CTNNA3: variants seen among roughly 807,000 people sequenced by gnomAD.
CTNNA3 encodes catenin alpha-3.
Under a neutral mutation model 95.7 loss-of-function variants are expected in CTNNA3, and 76 were observed. The ratio of observed to expected loss-of-function variants is 0.79; its 90% CI spans 0.66 to 0.96. The LOEUF (loss-of-function observed/expected upper bound fraction) is 0.96. CTNNA3 is among the 40% of genes least tolerant of loss of function. The pLI, the probability that CTNNA3 is intolerant of heterozygous loss-of-function variation, is 0.00. For missense variants in CTNNA3, 1,191 were observed against 1,089.8 expected, an observed-to-expected ratio of 1.09 and a Z score of -1.31; for synonymous variants, 431 against 374.4, an observed-to-expected ratio of 1.15 and a Z score of -1.74.
intron 5 of CTNNA3, among the ~76,000 whole-genome samples, chr10:67,286,173 G>C (rs1033142719): frequency 6.6e-6 from 1 of 152,246 alleles, no homozygotes; most frequent in South Asian, 2.1e-4. Context: ...CCTTCTCCTA[G>C]AGACTTAGCT....
intron 10 of CTNNA3, among the ~76,000 whole-genome samples, chr10:66,616,914 C>T (rs1341436231): frequency 6.6e-6 from 1 of 151,774 alleles, no homozygotes; most frequent in African/African-American, 2.4e-5. Context: ...ATAAGACACA[C>T]CATATTAAGA....
intron 5 of CTNNA3, among the ~76,000 whole-genome samples, chr10:67,318,825 T>G (rs535129289): frequency 2.0e-5 from 3 of 152,332 alleles, no homozygotes; most frequent in Middle Eastern, 3.4e-3. Context: ...GCTGTAAAAT[T>G]ATTTTCCCCA....
intron 10 of CTNNA3, among the ~76,000 whole-genome samples, chr10:66,569,431 A>C (rs1842803972): frequency 6.6e-6 from 1 of 152,166 alleles, no homozygotes; most frequent in African/African-American, 2.4e-5. Flanking sequence ...ATGAAGCATA[A>C]TATGCAACAG....
chr10:66,984,993 C>T (rs1231832659), intron 7 of CTNNA3, among the ~76,000 whole-genome samples: 1 of 152,264 alleles, frequency 6.6e-6, no homozygotes, highest in Non-Finnish European at 1.5e-5. Flanking sequence ...TTCTTCACTA[C>T]TGTTGAGCCA....
At chr10:67,684,036 T>C (rs7070960) in intron 1 of CTNNA3, among the ~76,000 whole-genome samples, 6,515 of 152,306 alleles carry the variant, frequency 0.043, 181 homozygotes, top group South Asian at 0.1. Context: ...TTCCACAGCA[T>C]GGAAGGGGAC....
At chr10:66,815,752 T>C (rs995783328) in intron 7 of CTNNA3, among the ~76,000 whole-genome samples, 4 of 152,120 alleles carry the variant, frequency 2.6e-5, no homozygotes, top group African/African-American at 7.2e-5. Flanking sequence ...AATCGAAACG[T>C]GGCAAAACTA....
chr10:66,538,841 A>G (rs1841746466), intron 10 of CTNNA3, among the ~76,000 whole-genome samples: 1 of 152,198 alleles, frequency 6.6e-6, no homozygotes, highest in African/African-American at 2.4e-5. Flanking sequence ...GAGCATTTTT[A>G]GAGACAGTTA....
intron 3 of CTNNA3, among the ~76,000 whole-genome samples, chr10:67,602,535 A>G (rs1186725838): frequency 6.6e-6 from 1 of 152,224 alleles, no homozygotes; most frequent in Non-Finnish European, 1.5e-5. Flanking sequence ...ACAGCATATG[A>G]CATGTAGAGG....
intron 14 of CTNNA3, 110 bp from the exon 15 acceptor site, chr10:66,069,599 G>A: frequency 1.4e-6 from 1 of 730,546 alleles, no homozygotes; most frequent in Non-Finnish European, 2.2e-6. Flanking sequence ...AAAATCAGAG[G>A]CACAATATAG....
Position 66,798,423 on chromosome 10 carries a change from T to C in CTNNA3, c.1048-22899A>G, listed in dbSNP as rs543844489. Among the ~76,000 whole-genome samples, 207 of 151,778 alleles carry C rather than the reference T, an allele frequency of 1.4e-3. 3 individuals are homozygous for C. Among genetic ancestry groups the C allele is most frequent in the Middle Eastern group, 3.2e-3 (1 of 316 alleles). The stretch of plus-strand genomic sequence containing the variant: ...GTAAAGAAAGATACTAGGCAAATTA[T>C]AGCACAGGTGGTGTTTAAAGGTGGA... On this transcript the variant is annotated intron_variant, in intron 7 of 17. Coordinates refer to ENST00000433211, the MANE Select transcript of CTNNA3 (RefSeq NM_013266.4).
intron 12 of CTNNA3, among the ~76,000 whole-genome samples, chr10:66,334,924 T>G (rs942184689): frequency 2.0e-5 from 3 of 152,172 alleles, no homozygotes; most frequent in African/African-American, 7.2e-5. Flanking sequence ...AGGCTTTGTT[T>G]GTTTCTTTTT....
intron 7 of CTNNA3, among the ~76,000 whole-genome samples, chr10:66,959,584 A>G (rs1849007520): frequency 6.6e-6 from 1 of 152,114 alleles, no homozygotes; most frequent in African/African-American, 2.4e-5. Flanking sequence ...AATCTGGAAA[A>G]TGAACTGGTG....
chr10:66,866,723 G>A (rs141243274), intron 7 of CTNNA3, among the ~76,000 whole-genome samples: 186 of 152,220 alleles, frequency 1.2e-3, no homozygotes, highest in African/African-American at 4.4e-3. Flanking sequence ...CTGTTTAAAT[G>A]ATGAAATTTC....
chr10:66,941,357 T>A (rs1214138378), intron 7 of CTNNA3, among the ~76,000 whole-genome samples: 1 of 152,230 alleles, frequency 6.6e-6, no homozygotes, highest in African/African-American at 2.4e-5. Flanking sequence ...AGACTTATTA[T>A]CAAGATTTAT....
At chr10:66,952,743 C>T (rs1848597185) in intron 7 of CTNNA3, among the ~76,000 whole-genome samples, 1 of 151,864 alleles carries the variant, frequency 6.6e-6, no homozygotes, top group African/African-American at 2.4e-5. Context: ...TATTTACAGC[C>T]AGGGACTCTT....
intron 7 of CTNNA3, among the ~76,000 whole-genome samples, chr10:66,874,548 T>G (rs1844539758): frequency 6.6e-6 from 1 of 152,218 alleles, no homozygotes; most frequent in African/African-American, 2.4e-5. Flanking sequence ...AGGTATTATA[T>G]TTAAACATGT....
At chr10:66,979,844 T>C (rs752973809) in intron 7 of CTNNA3, among the ~76,000 whole-genome samples, 1 of 152,188 alleles carries the variant, frequency 6.6e-6, no homozygotes, top group African/African-American at 2.4e-5. Context: ...ATTTCCTGGA[T>C]TTGAAACACT....
intron 7 of CTNNA3, among the ~76,000 whole-genome samples, chr10:67,048,128 C>T (rs1215325092): frequency 1.3e-5 from 2 of 152,080 alleles, no homozygotes; most frequent in African/African-American, 4.8e-5. Flanking sequence ...CTTCCCTTCA[C>T]GGTCTTCCTC....
chr10:67,132,582 C>T (rs1006123285), intron 7 of CTNNA3, among the ~76,000 whole-genome samples: 26 of 151,614 alleles, frequency 1.7e-4, no homozygotes, highest in African/African-American at 3.9e-4. Context: ...ATATGGGTTA[C>T]GAATTGAGGT....
Sources: gnomAD v4.1 joint callset for allele counts (sites outside exome capture counted in the v4.1 genomes callset) on GRCh38, gnomAD v4.1.1 for gene constraint, MANE v1.5 for transcripts, NCBI Gene and HGNC (gene_info 2026-07-23, HGNC 2026-07-21) for gene names.